CPNE8: variants seen among roughly 807,000 people sequenced by gnomAD.
The protein encoded by CPNE8 is copine-8.
Under a neutral mutation model 81.5 loss-of-function variants are expected in CPNE8, and 45 were observed. The ratio of observed to expected loss-of-function variants is 0.55; its 90% CI spans 0.44 to 0.71. CPNE8 has a LOEUF of 0.71. Among genes scored for constraint, CPNE8 ranks in the 30% least tolerant of loss-of-function variants. The probability of loss-of-function intolerance (pLI) is 0.00; values close to 1 mark genes in which losing one functional copy is unlikely to be tolerated. For missense variants in CPNE8, 594 were observed against 672.1 expected (o/e 0.88, Z 1.28); for synonymous variants, 252 against 226.3 (o/e 1.11, Z -1.02).
chr12:38,844,156 C>A (rs932263141), intron 4 of CPNE8, among the ~76,000 whole-genome samples: 1 of 152,080 alleles, frequency 6.6e-6, no homozygotes, highest in Admixed American at 6.6e-5. Context: ...ATGATTATTA[C>A]CATTTTATTT....
At chr12:38,673,554 G>A (rs1173660590) in intron 18 of CPNE8, among the ~76,000 whole-genome samples, 1 of 152,092 alleles carries the variant, frequency 6.6e-6, no homozygotes, top group Non-Finnish European at 1.5e-5. Context: ...AGAAGCACCT[G>A]TTGTCGCCTA....
Position 38,673,982 on chromosome 12 carries a change from GTTCTCAAA to G in CPNE8, c.1432+1727_1432+1734del, listed in dbSNP as rs564004603. On this transcript the variant is annotated intron_variant, in intron 18 of 19. Coordinates refer to ENST00000331366, the MANE Select transcript of CPNE8 (RefSeq NM_153634.3). ...TGTGATTGTCCACAGGTTAACCCAAGTTCTCAAATTCTGCATTGCTAGTAATAAAGCTG... is the reference window on the plus strand; with the variant it reads ...TGTGATTGTCCACAGGTTAACCCAAGTTCTGCATTGCTAGTAATAAAGCTG... 3.2e-3 allele frequency among the ~76,000 whole-genome samples: 487 copies of G among 152,082 alleles called. 2 individuals are homozygous for G. The highest frequency in any genetic ancestry group is 6.7e-3 in the Admixed American group (103 of 15,274).
At chr12:38,882,780 T>C (rs938640142) in intron 1 of CPNE8, among the ~76,000 whole-genome samples, 1 of 152,142 alleles carries the variant, frequency 6.6e-6, no homozygotes, top group Non-Finnish European at 1.5e-5. Flanking sequence ...TGCACCTCTA[T>C]CCATATTATT....
rs1356807289 is a variant in CPNE8, at chr12:38,653,915, GGTGT to G, written c.1658_1661del (p.Tyr553SerfsTer18). The G allele has an allele frequency of 6.2e-7, 1 of 1,613,392 alleles. No individual in the cohort carries two copies. ...GAGTCTGTAACACATGTGTAGGTGG[GGTGT>G]ATGGGGGAGGCGCAGGTGATGGCTT... is the stretch of plus-strand genomic sequence containing the variant. On this transcript the variant is annotated frameshift_variant, in exon 20 of 20. Coordinates refer to ENST00000331366, the MANE Select transcript of CPNE8 (RefSeq NM_153634.3). LOFTEE classifies it high-confidence loss of function.
At chr12:38,720,551 A>G (rs977383003) in intron 13 of CPNE8, 6 of 152,266 alleles carry the variant, frequency 3.9e-5, no homozygotes, top group African/African-American at 1.4e-4. Flanking sequence ...TAACATTTCA[A>G]TACCACAAAT....
At position 38,653,617 on chromosome 12, in the gene CPNE8, T is replaced by TAAAAAAAA. The variant is rs59710225; in HGVS notation, c.*257_*264dup. The TAAAAAAAA allele has an allele frequency of 9.5e-4, 141 of 148,478 alleles. No homozygotes were observed. Among genetic ancestry groups the TAAAAAAAA allele is most frequent in the Middle Eastern group, 5.7e-3 (2 of 352 alleles). The allele number at this position is 148,478 out of a possible 1,614,324, so 9.2% of individuals were successfully genotyped here. On this transcript the variant is annotated 3_prime_UTR_variant, in exon 20 of 20. Transcript: ENST00000331366. ...TACATTGGAAATTAGCTGTTTCTGT[T>TAAAAAAAA]AAAAAAAAAAAGAAAGAAAGATTTA...
intron 3 of CPNE8, among the ~76,000 whole-genome samples, chr12:38,850,103 C>A (rs1485301667): frequency 6.6e-6 from 1 of 152,126 alleles, no homozygotes; most frequent in Non-Finnish European, 1.5e-5. Flanking sequence ...TAACCAGGGG[C>A]TGGCAGTGCT....
chr12:38,808,475 CCAT>C (rs1340422926), intron 6 of CPNE8, among the ~76,000 whole-genome samples: 1 of 151,416 alleles, frequency 6.6e-6, no homozygotes, highest in African/African-American at 2.4e-5. Flanking sequence ...AAATTGGAAA[CCAT>C]CATTCTCAGT....
At chr12:38,793,835 A>T (rs769272942) in intron 6 of CPNE8, among the ~76,000 whole-genome samples, 2 of 152,086 alleles carry the variant, frequency 1.3e-5, no homozygotes, top group Non-Finnish European at 2.9e-5. Context: ...ATTACAAGCT[A>T]CAGTAATCAA....
At chr12:38,750,464 G>C (rs1941333784) in intron 10 of CPNE8, among the ~76,000 whole-genome samples, 1 of 152,138 alleles carries the variant, frequency 6.6e-6, no homozygotes, top group Admixed American at 6.5e-5. Flanking sequence ...TCAGGAAGGG[G>C]GCTAAACCCT....
chr12:38,741,883 C>G (rs1248919094), intron 10 of CPNE8, among the ~76,000 whole-genome samples: 1 of 152,142 alleles, frequency 6.6e-6, no homozygotes, highest in Non-Finnish European at 1.5e-5. Flanking sequence ...AGACACTTCT[C>G]AAAAGGAAAC....
chr12:38,689,765 CCTT>C (rs2136666320), intron 15 of CPNE8, among the ~76,000 whole-genome samples: 1 of 152,292 alleles, frequency 6.6e-6, no homozygotes, highest in Admixed American at 6.5e-5. Context: ...GCATGGAAGA[CCTT>C]CTTTTAAGGA....
At chr12:38,905,953 T>C (rs1944565395), upstream of CPNE8, 11 of 985,258 alleles carry the variant, frequency 1.1e-5, no homozygotes, top group African/African-American at 1.7e-5. Context: ...TGCGTGCTTT[T>C]AGGTTTTGTC....
Position 38,888,372 on chromosome 12 carries a change from G to T in CPNE8, c.99-13861C>A, listed in dbSNP as rs117547185. 7.5e-3 allele frequency among the ~76,000 whole-genome samples: 1,147 copies of T among 152,292 alleles called. 41 individuals carry two copies. The highest frequency in any genetic ancestry group is 0.064 in the Admixed American group (977 of 15,286). On this transcript the variant is annotated intron_variant, in intron 1 of 19. Coordinates refer to ENST00000331366, the MANE Select transcript of CPNE8 (RefSeq NM_153634.3). ...GAAATAATACATAGGCTATGACAAT[G>T]AAAACAATAACATGCTTGTAAAGGT...
chr12:38,814,965 G>T (rs1943000495), intron 6 of CPNE8, among the ~76,000 whole-genome samples: 1 of 152,204 alleles, frequency 6.6e-6, no homozygotes, highest in African/African-American at 2.4e-5. Flanking sequence ...CATAAGACCT[G>T]CAATACCTTA....
intron 13 of CPNE8, among the ~76,000 whole-genome samples, chr12:38,712,250 G>A (rs1375610937): frequency 6.7e-6 from 1 of 149,722 alleles, no homozygotes; most frequent in African/African-American, 2.5e-5. Flanking sequence ...CTGTTGCCAG[G>A]CTGGAGTGCA....
At chr12:38,776,917 C>T (rs1486449417) in intron 6 of CPNE8, among the ~76,000 whole-genome samples, 1 of 151,790 alleles carries the variant, frequency 6.6e-6, no homozygotes, top group Non-Finnish European at 1.5e-5. Flanking sequence ...TATGTATGTA[C>T]AGTCCATAAT....
chr12:38,902,333 AAAGAAAGAAAGAAAG>A, intron 1 of CPNE8, among the ~76,000 whole-genome samples: 1 of 77,324 alleles, frequency 1.3e-5, no homozygotes, highest in East Asian at 3.1e-4. Context: ...AGAAAGAAAG[AAAGAAAGAAAGAAAG>A]AAAGAAAGAA....
chr12:38,743,514 T>C (rs546190096), intron 10 of CPNE8, among the ~76,000 whole-genome samples: 9 of 152,218 alleles, frequency 5.9e-5, no homozygotes, highest in African/African-American at 1.7e-4. Flanking sequence ...TGATGTGGAT[T>C]ATTGAGGCAA....
Sources: gnomAD v4.1 joint callset for allele counts (sites outside exome capture counted in the v4.1 genomes callset) on GRCh38, gnomAD v4.1.1 for gene constraint, MANE v1.5 for transcripts, NCBI Gene and HGNC (gene_info 2026-07-23, HGNC 2026-07-21) for gene names.